SLC4A10: variants seen among roughly 807,000 people sequenced by gnomAD.
SLC4A10 encodes sodium-driven chloride bicarbonate exchanger.
SLC4A10 carries 42 observed loss-of-function variants against 137.7 expected under a neutral mutation model. The ratio of observed to expected loss-of-function variants is 0.30; its 90% CI spans 0.24 to 0.39. The LOEUF (loss-of-function observed/expected upper bound fraction) is 0.39, where lower values mean the gene tolerates loss of function less well. Among genes scored for constraint, SLC4A10 ranks in the 10% least tolerant of loss-of-function variants. The pLI, the probability that SLC4A10 is intolerant of heterozygous loss-of-function variation, is 1.00. For missense variants in SLC4A10, 925 were observed against 1,355.0 expected (o/e 0.68, Z 4.98); for synonymous variants, 474 against 464.1 (o/e 1.02, Z -0.27).
At chr2:161,784,850 A>T (rs1052461925) in intron 2 of SLC4A10, among the ~76,000 whole-genome samples, 1 of 151,580 alleles carries the variant, frequency 6.6e-6, no homozygotes, top group East Asian at 1.9e-4. Flanking sequence ...ACTAGAAAAA[A>T]AAAACACACT....
At chr2:161,734,340 G>A (rs1032798098) in intron 1 of SLC4A10, among the ~76,000 whole-genome samples, 17 of 152,082 alleles carry the variant, frequency 1.1e-4, no homozygotes, top group Admixed American at 4.6e-4. Context: ...TACTGTTCTC[G>A]TGGTAGTGAA....
intron 1 of SLC4A10, among the ~76,000 whole-genome samples, chr2:161,752,119 C>T (rs1429854226): frequency 6.6e-6 from 1 of 151,902 alleles, no homozygotes; most frequent in African/African-American, 2.4e-5. Context: ...AATTGTTTAT[C>T]TTTCAAGAAA....
At chr2:161,756,224 A>C (rs1372261723) in intron 1 of SLC4A10, among the ~76,000 whole-genome samples, 1 of 152,146 alleles carries the variant, frequency 6.6e-6, no homozygotes, top group Non-Finnish European at 1.5e-5. Context: ...TAAATTTTCC[A>C]GTATTTAATC....
rs1424479864 is a variant in SLC4A10 at position 161,755,126 on chromosome 2, A to C, written c.49-15847A>C. On this transcript the variant is annotated intron_variant, in intron 1 of 26. Coordinates refer to ENST00000446997, the MANE Select transcript of SLC4A10 (RefSeq NM_001178015.2). ...AAAAAATAAATTATACATCAGACTC[A>C]TTGAACACAATTTTTGCTACAAGGA... Among the ~76,000 whole-genome samples the C allele has an allele frequency of 1.3e-5, 2 of 152,218 alleles. 1 individual carries two copies. The highest frequency in any genetic ancestry group is 4.1e-4 in the South Asian group (2 of 4,832).
chr2:161,698,047 G>A (rs1187655980), intron 1 of SLC4A10, among the ~76,000 whole-genome samples: 2 of 152,052 alleles, frequency 1.3e-5, no homozygotes, highest in African/African-American at 4.8e-5. Context: ...GGATTCCTAG[G>A]TATTTTATTC....
intron 16 of SLC4A10, among the ~76,000 whole-genome samples, chr2:161,946,489 A>G (rs1693830294): frequency 6.6e-6 from 1 of 152,060 alleles, no homozygotes; most frequent in Non-Finnish European, 1.5e-5. Flanking sequence ...ATTTGTCTCC[A>G]AGATCTCTCT....
chr2:161,666,500 A>T (rs1331729714), intron 1 of SLC4A10, among the ~76,000 whole-genome samples: 2 of 151,720 alleles, frequency 1.3e-5, no homozygotes, highest in Non-Finnish European at 3.0e-5. Context: ...CCAAATACCA[A>T]GTTTCTTTGT....
intron 1 of SLC4A10, among the ~76,000 whole-genome samples, chr2:161,686,372 C>A (rs2041406819): frequency 6.6e-6 from 1 of 151,968 alleles, no homozygotes; most frequent in Non-Finnish European, 1.5e-5. Context: ...ATATATTTTT[C>A]AAATATCAAT....
rs147313087 is a variant in SLC4A10, at chr2:161,786,239, C to T, written c.130+15185C>T. ...CTGTTTTTTTCTGATGTAAGAATAGCAACCTATGCTCTTTTTTGTTTTCCA... is the reference window on the plus strand; with the variant it reads ...CTGTTTTTTTCTGATGTAAGAATAGTAACCTATGCTCTTTTTTGTTTTCCA... On this transcript the variant is annotated intron_variant, in intron 2 of 26. Coordinates refer to ENST00000446997, the MANE Select transcript of SLC4A10 (RefSeq NM_001178015.2). Among the ~76,000 whole-genome samples the T allele has an allele frequency of 7.0e-3, 1,056 of 151,756 alleles. 13 individuals carry two copies. Among genetic ancestry groups the T allele is most frequent in the African/African-American group, 0.023 (950 of 41,440 alleles).
chr2:161,764,637 AT>A (rs942323225), intron 1 of SLC4A10, among the ~76,000 whole-genome samples: 11 of 152,090 alleles, frequency 7.2e-5, no homozygotes, highest in South Asian at 2.1e-4. Context: ...AGAATAATGT[AT>A]TTTTTTAACA....
intron 5 of SLC4A10, among the ~76,000 whole-genome samples, chr2:161,858,701 T>C (rs2060235185): frequency 6.6e-6 from 1 of 152,184 alleles, no homozygotes; most frequent in Non-Finnish European, 1.5e-5. Flanking sequence ...ATGATGGAAA[T>C]ATCCTCTCTG....
At chr2:161,659,077 C>A (rs771277612) in intron 1 of SLC4A10, among the ~76,000 whole-genome samples, 6 of 151,954 alleles carry the variant, frequency 3.9e-5, no homozygotes, top group Non-Finnish European at 8.8e-5. Context: ...AAAAAAAAAT[C>A]ATTATATAAA....
intron 4 of SLC4A10, among the ~76,000 whole-genome samples, chr2:161,853,806 T>C (rs561298296): frequency 1.3e-5 from 2 of 152,310 alleles, no homozygotes; most frequent in South Asian, 4.1e-4. Context: ...TGGCTTCCTT[T>C]TCACTTTCTG....
intron 3 of SLC4A10, among the ~76,000 whole-genome samples, chr2:161,822,967 T>C (rs2057746586): frequency 6.6e-6 from 1 of 151,874 alleles, no homozygotes; most frequent in Non-Finnish European, 1.5e-5. Context: ...AGAAAGAAAC[T>C]GTCTCAAAAA....
intron 16 of SLC4A10, among the ~76,000 whole-genome samples, chr2:161,943,755 T>C (rs1473497116): frequency 6.6e-6 from 1 of 152,034 alleles, no homozygotes; most frequent in Admixed American, 6.6e-5. Context: ...AGTTTTATTA[T>C]GACTATCAGC....
chr2:161,744,346 C>T (rs1227986376), intron 1 of SLC4A10, among the ~76,000 whole-genome samples: 1 of 152,050 alleles, frequency 6.6e-6, no homozygotes, highest in Non-Finnish European at 1.5e-5. Context: ...TGAAGGGATG[C>T]TGAATTTAAT....
At chr2:161,839,757 G>C in intron 3 of SLC4A10, 32 bp from the exon 4 acceptor site, 2 of 1,611,758 alleles carry the variant, frequency 1.2e-6, no homozygotes, top group African/African-American at 1.3e-5. Flanking sequence ...GGTAATACAT[G>C]TTCATGGTAA....
chr2:161,681,634 A>G (rs1199451746), intron 1 of SLC4A10, among the ~76,000 whole-genome samples: 1 of 152,170 alleles, frequency 6.6e-6, no homozygotes, highest in African/African-American at 2.4e-5. Context: ...ACTGTACTCA[A>G]TTAAACACCT....
Position 161,894,718 on chromosome 2 carries a change from G to A in SLC4A10, c.1234G>A (p.Asp412Asn). The change falls in exon 11 of 27, where the codon GAC (aspartate) becomes AAC (asparagine). Residue 412 changes from aspartate (D) to asparagine (N), a missense_variant. Around this residue, in one of 11 missense-constraint regions of SLC4A10, gnomAD observed 277 missense variants for 306.1 expected, o/e 0.90. Transcript: ENST00000446997. Reference protein sequence around the residue: ...DVAYKAKDRNDLVSGIDEFLD... With the variant: ...DVAYKAKDRNNLVSGIDEFLD... Reference sequence around the variant, plus strand: ...TGCCTATAAAGCTAAAGATCGTAATGACTTGGTATCAGGAATTGATGAGTT... The same window carrying A: ...TGCCTATAAAGCTAAAGATCGTAATAACTTGGTATCAGGAATTGATGAGTT... The A allele has an allele frequency of 6.9e-7, 1 of 1,444,080 alleles. No individual in the cohort carries two copies. The highest frequency in any genetic ancestry group is 1.7e-5 in the South Asian group (1 of 57,548). 89.5% of individuals were successfully genotyped at this position (1,444,080 alleles called of 1,614,324 possible).
Sources: allele counts gnomAD v4.1 joint callset (sites outside exome capture counted in the v4.1 genomes callset), GRCh38; gene constraint gnomAD v4.1.1; regional missense constraint gnomAD v4.1.1; transcripts MANE v1.5; gene names NCBI Gene and HGNC (gene_info 2026-07-23, HGNC 2026-07-21).